Variants in ELAVL2 observed in about 807,000 individuals in gnomAD.
The protein encoded by ELAVL2 is ELAV like RNA binding protein 2.
A neutral mutation model predicts 34.6 loss-of-function variants in ELAVL2; 4 were observed. The observed-to-expected ratio is 0.12, with a 90% CI of 0.06 to 0.26. The LOEUF (loss-of-function observed/expected upper bound fraction) is 0.26, where lower values mean the gene tolerates loss of function less well. Among genes scored for constraint, ELAVL2 ranks in the 10% least tolerant of loss-of-function variants. The pLI is 1.00. For synonymous variants in ELAVL2, 193 were observed against 154.8 expected, an observed-to-expected ratio of 1.25 and a Z score of -1.83; for missense variants, 432 against 442.8, an observed-to-expected ratio of 0.98 and a Z score of 0.22.
intron 1 of ELAVL2, among the ~76,000 whole-genome samples, chr9:23,802,147 GGAA>G (rs1184666383): frequency 6.6e-6 from 1 of 152,116 alleles, no homozygotes; most frequent in Non-Finnish European, 1.5e-5. Flanking sequence ...AACCAATACA[GGAA>G]GAAGAAAATG....
At position 23,712,829 on chromosome 9, in the gene ELAVL2, T is replaced by C. The variant is rs2041337191; in HGVS notation, c.334-7758A>G. Among the ~76,000 whole-genome samples, 3 of 152,160 alleles carry C rather than the reference T, an allele frequency of 2.0e-5. No homozygotes were observed. In the South Asian group the frequency reaches 6.2e-4, roughly 32 times the overall value. ...GCGACCTAGGAATAAATAAGTAATG[T>C]CATAAAAATAAGTGATCCTATGACA... On this transcript the variant is annotated intron_variant, in intron 3 of 6. Coordinates refer to ENST00000397312, the MANE Select transcript of ELAVL2 (RefSeq NM_004432.5).
chr9:23,816,153 C>A (rs918130967), intron 1 of ELAVL2, among the ~76,000 whole-genome samples: 3 of 151,794 alleles, frequency 2.0e-5, no homozygotes, highest in Non-Finnish European at 4.4e-5. Flanking sequence ...CAGCTTTCTT[C>A]AAATGCTTAA....
intron 1 of ELAVL2, among the ~76,000 whole-genome samples, chr9:23,782,888 A>G (rs2059246598): frequency 2.6e-5 from 4 of 152,194 alleles, no homozygotes; most frequent in Admixed American, 2.6e-4. Context: ...AAGTGAGCTG[A>G]AGTGAAACCA....
the ELAVL2 span, among the ~76,000 whole-genome samples, chr9:23,835,379 C>T: frequency 2.6e-5 from 4 of 152,076 alleles, no homozygotes; most frequent in East Asian, 5.8e-4. Context: ...TGAAAGGAAC[C>T]AGTTCCAATC....
chr9:23,693,403 C>T, intron 6 of ELAVL2, 45 bp downstream of exon 6: 5 of 1,610,904 alleles, frequency 3.1e-6, no homozygotes, highest in Non-Finnish European at 4.2e-6. Context: ...AGAAACCAAT[C>T]AACTGTGGAA....
chr9:23,719,821 C>T (rs577190269), intron 3 of ELAVL2, among the ~76,000 whole-genome samples: 2 of 140,862 alleles, frequency 1.4e-5, no homozygotes, highest in African/African-American at 5.1e-5. Flanking sequence ...TTTTAAAAGC[C>T]ACTTTTTTTT....
At chr9:23,792,402 T>C (rs960538990) in intron 1 of ELAVL2, among the ~76,000 whole-genome samples, 1 of 152,210 alleles carries the variant, frequency 6.6e-6, no homozygotes, top group Non-Finnish European at 1.5e-5. Flanking sequence ...CTGTCATCTA[T>C]CCATAACTGC....
At chr9:23,723,399 C>A (rs986426150) in intron 3 of ELAVL2, among the ~76,000 whole-genome samples, 14 of 151,734 alleles carry the variant, frequency 9.2e-5, no homozygotes, top group Admixed American at 2.6e-4. Flanking sequence ...GGAAGGGGAA[C>A]AACACACCCT....
At chr9:23,726,686 AG>A (rs1255967281) in intron 3 of ELAVL2, among the ~76,000 whole-genome samples, 1 of 152,082 alleles carries the variant, frequency 6.6e-6, no homozygotes, top group Non-Finnish European at 1.5e-5. Context: ...CAGAGGAGGG[AG>A]GAAGTCTACA....
At chr9:23,806,825 G>GT (rs2062291824) in intron 1 of ELAVL2, among the ~76,000 whole-genome samples, 1 of 152,098 alleles carries the variant, frequency 6.6e-6, no homozygotes, top group Non-Finnish European at 1.5e-5. Context: ...TGCCCATTCC[G>GT]TAACAGCTCC....
At chr9:23,737,843 C>A (rs1204502284) in intron 2 of ELAVL2, among the ~76,000 whole-genome samples, 3 of 152,148 alleles carry the variant, frequency 2.0e-5, no homozygotes, top group Non-Finnish European at 4.4e-5. Context: ...TTTAATAATG[C>A]AATACTTTTA....
At chr9:23,693,604 G>C in intron 5 of ELAVL2, 118 bp from the exon 6 acceptor site, 1 of 1,218,542 alleles carries the variant, frequency 8.2e-7, no homozygotes, top group Non-Finnish European at 1.2e-6. Flanking sequence ...TATATGTGAA[G>C]ACTCAGAATG....
At chr9:23,811,260 C>G (rs2062948122) in intron 1 of ELAVL2, among the ~76,000 whole-genome samples, 1 of 151,904 alleles carries the variant, frequency 6.6e-6, no homozygotes, top group Non-Finnish European at 1.5e-5. Context: ...CCAGTTCCAA[C>G]TGAAGGAATG....
At chr9:23,828,309 T>G (rs1412254159), upstream of ELAVL2, among the ~76,000 whole-genome samples, 1 of 152,224 alleles carries the variant, frequency 6.6e-6, no homozygotes, top group Non-Finnish European at 1.5e-5. Flanking sequence ...AGGTTAATAT[T>G]GAATTAGTTG....
At chr9:23,844,349 T>C in the ELAVL2 span, among the ~76,000 whole-genome samples, 1 of 152,094 alleles carries the variant, frequency 6.6e-6, no homozygotes, top group Non-Finnish European at 1.5e-5. Flanking sequence ...TGTAATGATG[T>C]CTGTTGAGTG....
intron 1 of ELAVL2, among the ~76,000 whole-genome samples, chr9:23,776,738 T>TAAAA (rs1491437997): frequency 1.8e-5 from 1 of 54,268 alleles, no homozygotes; most frequent in African/African-American, 8.7e-5. Context: ...TAGTTTGCTA[T>TAAAA]CAAAAAAAAA....
chr9:23,698,013 T>C (rs1339110746), intron 5 of ELAVL2, among the ~76,000 whole-genome samples: 1 of 152,178 alleles, frequency 6.6e-6, no homozygotes, highest in Non-Finnish European at 1.5e-5. Flanking sequence ...AGGGGATTGA[T>C]ACCGGTTTCT....
At chr9:23,825,069 G>GA (rs2065212994) in intron 1 of ELAVL2, among the ~76,000 whole-genome samples, 2 of 152,288 alleles carry the variant, frequency 1.3e-5, no homozygotes, top group Non-Finnish European at 2.9e-5. Flanking sequence ...ACGCTTTTCT[G>GA]AACAAAGGGA....
intron 1 of ELAVL2, among the ~76,000 whole-genome samples, chr9:23,791,834 T>C (rs2060359128): frequency 6.6e-6 from 1 of 152,176 alleles, no homozygotes; most frequent in Non-Finnish European, 1.5e-5. Flanking sequence ...AATAAATTTC[T>C]ATTGTTTTTG....
Sources: allele counts gnomAD v4.1 joint callset (sites outside exome capture counted in the v4.1 genomes callset), GRCh38; gene constraint gnomAD v4.1.1; transcripts MANE v1.5; gene names NCBI Gene and HGNC (gene_info 2026-07-23, HGNC 2026-07-21).